The following GRID2 variants were observed in gnomAD, a reference collection of about 807,000 sequenced individuals.
GRID2 encodes the protein glutamate ionotropic receptor delta type subunit 2, also known as glutamate receptor ionotropic, delta-2.
GRID2 carries 33 observed loss-of-function variants against 114.8 expected under a neutral mutation model. The observed-to-expected ratio is 0.29, with a 90% CI of 0.22 to 0.38. The LOEUF (loss-of-function observed/expected upper bound fraction) is 0.38. Ranked by LOEUF, GRID2 falls within the 10% of genes least tolerant of loss-of-function variation. The pLI, the probability that GRID2 is intolerant of heterozygous loss-of-function variation, is 1.00. For synonymous variants in GRID2, 505 were observed against 449.9 expected (o/e 1.12, Z -1.55); for missense variants, 1,184 against 1,257.7 (o/e 0.94, Z 0.89).
intron 14 of GRID2, among the ~76,000 whole-genome samples, chr4:93,709,825 CT>C (rs1220068391): frequency 6.6e-6 from 1 of 152,048 alleles, no homozygotes; most frequent in African/African-American, 2.4e-5. Context: ...CTCATTCATT[CT>C]TTTTTCTTCT....
chr4:93,746,282 A>G (rs989818012), intron 14 of GRID2, among the ~76,000 whole-genome samples: 2 of 152,146 alleles, frequency 1.3e-5, no homozygotes, highest in African/African-American at 4.8e-5. Context: ...AGTAAATACC[A>G]TAATACAATA....
At chr4:93,370,344 C>A (rs1328524529) in intron 8 of GRID2, among the ~76,000 whole-genome samples, 1 of 151,616 alleles carries the variant, frequency 6.6e-6, no homozygotes, top group Non-Finnish European at 1.5e-5. Flanking sequence ...CTTAACATTC[C>A]TCTCCTTGCT....
intron 1 of GRID2, among the ~76,000 whole-genome samples, chr4:93,806,322 T>TATC (rs1477692058): frequency 6.6e-6 from 1 of 152,214 alleles, no homozygotes; most frequent in African/African-American, 2.4e-5. Flanking sequence ...TGTGACTGTA[T>TATC]ATCGACACCA....
At chr4:92,412,838 T>C (rs762921206) in intron 1 of GRID2, among the ~76,000 whole-genome samples, 24 of 152,168 alleles carry the variant, frequency 1.6e-4, no homozygotes, top group Admixed American at 2.6e-4. Flanking sequence ...GTAGCAAATG[T>C]CTTCTTCTCC....
At chr4:93,291,233 C>T (rs1408931074) in intron 8 of GRID2, among the ~76,000 whole-genome samples, 1 of 152,098 alleles carries the variant, frequency 6.6e-6, no homozygotes, top group Admixed American at 6.6e-5. Flanking sequence ...TAGAGCATTA[C>T]ATCATTTCAT....
intron 1 of GRID2, among the ~76,000 whole-genome samples, chr4:92,533,937 TAAA>T (rs1444029130): frequency 6.6e-6 from 1 of 152,002 alleles, no homozygotes; most frequent in Non-Finnish European, 1.5e-5. Flanking sequence ...AAAGGAATAT[TAAA>T]AAGGAAATTT....
chr4:92,626,177 A>G (rs536702853), intron 2 of GRID2, among the ~76,000 whole-genome samples: 1 of 152,150 alleles, frequency 6.6e-6, no homozygotes, highest in South Asian at 2.1e-4. Context: ...ATTAATCCTG[A>G]AGATGTCACT....
chr4:93,708,992 A>C (rs1728252949), intron 14 of GRID2, among the ~76,000 whole-genome samples: 1 of 152,102 alleles, frequency 6.6e-6, no homozygotes, highest in African/African-American at 2.4e-5. Context: ...ACTACACTTT[A>C]ACTTCATCCC....
chr4:92,819,683 C>T (rs1450360462), intron 2 of GRID2, among the ~76,000 whole-genome samples: 7 of 152,008 alleles, frequency 4.6e-5, no homozygotes, highest in Non-Finnish European at 7.4e-5. Context: ...ATTTGACTAC[C>T]AACTGCAGGA....
intron 14 of GRID2, among the ~76,000 whole-genome samples, chr4:93,631,557 A>C (rs1720886062): frequency 6.6e-6 from 1 of 152,118 alleles, no homozygotes; most frequent in South Asian, 2.1e-4. Flanking sequence ...ATCCTTTTTT[A>C]TGGCTGCATA....
chr4:93,297,430 G>T (rs1754429686), intron 8 of GRID2, among the ~76,000 whole-genome samples: 1 of 152,138 alleles, frequency 6.6e-6, no homozygotes, highest in Admixed American at 6.6e-5. Context: ...TCATAGGATT[G>T]ATATAGTGTA....
chr4:93,470,344 T>C (rs975579347), intron 11 of GRID2, among the ~76,000 whole-genome samples: 2 of 152,104 alleles, frequency 1.3e-5, no homozygotes, highest in Admixed American at 1.3e-4. Flanking sequence ...CAATTTAACA[T>C]GCATTTACCC....
At chr4:93,727,674 G>A (rs1325167920) in intron 14 of GRID2, among the ~76,000 whole-genome samples, 1 of 152,112 alleles carries the variant, frequency 6.6e-6, no homozygotes, top group African/African-American at 2.4e-5. Context: ...TCCTGTTACT[G>A]GTCTATTCAG....
chr4:93,227,249 A>AT (rs901333225), intron 7 of GRID2, among the ~76,000 whole-genome samples: 5 of 151,248 alleles, frequency 3.3e-5, no homozygotes, highest in Admixed American at 6.6e-5. Context: ...TATATATATA[A>AT]TTTTTTTTGA....
At chr4:93,473,480 G>A (rs1725035664) in intron 11 of GRID2, among the ~76,000 whole-genome samples, 1 of 152,080 alleles carries the variant, frequency 6.6e-6, no homozygotes, top group Non-Finnish European at 1.5e-5. Context: ...TGTCCCACTA[G>A]ATATTGAGAA....
intron 13 of GRID2, among the ~76,000 whole-genome samples, chr4:93,519,896 A>G (rs1347722240): frequency 6.6e-6 from 1 of 152,114 alleles, no homozygotes; most frequent in South Asian, 2.1e-4. Context: ...ACTGGGGGGA[A>G]CTCACAAGCT....
At chr4:93,657,984 A>G (rs1560870338) in intron 14 of GRID2, among the ~76,000 whole-genome samples, 3 of 152,206 alleles carry the variant, frequency 2.0e-5, no homozygotes, top group Non-Finnish European at 4.4e-5. Flanking sequence ...ATGAGTGTTG[A>G]GCTGAAATGG....
At chr4:93,205,584 T>C (rs571720647) in intron 4 of GRID2, among the ~76,000 whole-genome samples, 1 of 152,182 alleles carries the variant, frequency 6.6e-6, no homozygotes, top group South Asian at 2.1e-4. Context: ...TGGTTCCAAG[T>C]CTTTGCTATT....
At chr4:92,611,086 ATATATATGTGTGTGTGTATATGTGTGTG>A (rs1729711137) in intron 2 of GRID2, among the ~76,000 whole-genome samples, 1 of 135,196 alleles carries the variant, frequency 7.4e-6, no homozygotes, top group Non-Finnish European at 1.7e-5. Flanking sequence ...ATATGTGTGT[ATATATATGTGTGTGTGTATATGTGTGTG>A]TATGTGTGTG....
Sources: gnomAD v4.1 joint callset for allele counts (sites outside exome capture counted in the v4.1 genomes callset) on GRCh38, gnomAD v4.1.1 for gene constraint, MANE v1.5 for transcripts, NCBI Gene and HGNC (gene_info 2026-07-23, HGNC 2026-07-21) for gene names.